The following PIGT variants were observed in gnomAD, a reference collection of about 807,000 sequenced individuals.
The protein encoded by PIGT is GPI-anchor transamidase component PIGT.
In PIGT, 57 loss-of-function variants were observed where a neutral mutation model predicts 66.7. The ratio of observed to expected loss-of-function variants is 0.86; its 90% CI spans 0.69 to 1.07. The LOEUF (loss-of-function observed/expected upper bound fraction) is 1.07. PIGT is among the 50% of genes least tolerant of loss of function. PIGT has a pLI of 0.00. For synonymous variants in PIGT, 362 were observed against 320.5 expected (o/e 1.13, Z -1.38); for missense variants, 725 against 740.4 (o/e 0.98, Z 0.24).
At chr20:45,424,447 G>A in intron 10 of PIGT, 49 bp from the exon 11 acceptor site, 1 of 1,613,474 alleles carries the variant, frequency 6.2e-7, no homozygotes, top group Non-Finnish European at 8.5e-7. Context: ...CTTACCCCTT[G>A]ATAGGGCAGC....
At chr20:45,425,383 T>TA in intron 11 of PIGT, 191 bp from the exon 12 acceptor site, 1 of 418,330 alleles carries the variant, frequency 2.4e-6, no homozygotes, top group East Asian at 4.9e-5. Flanking sequence ...ATGCTCTCCC[T>TA]CCCCTTGCCC....
intron 2 of PIGT, chr20:45,417,931 A>G (rs1990088075): frequency 6.6e-6 from 1 of 151,896 alleles, no homozygotes; most frequent in African/African-American, 2.4e-5. Context: ...TCTTGCCTCA[A>G]CTCTGGCTCC....
intron 9 of PIGT, chr20:45,422,292 A>G (rs1990413734): frequency 6.6e-6 from 1 of 152,130 alleles, no homozygotes; most frequent in South Asian, 2.1e-4. Flanking sequence ...CAGCACCATT[A>G]TTTGTACCAC....
rs1600809728 is a variant in PIGT at position 45,419,715 on chromosome 20, A to G, written c.681+125A>G. 4.1e-6 allele frequency: 3 copies of G among 738,036 alleles called. No individual in the cohort carries two copies. In the East Asian group the frequency reaches 7.5e-5, roughly 19 times the overall value. The allele number at this position is 738,036 out of a possible 1,614,324, so 45.7% of individuals were successfully genotyped here. A position where few individuals can be genotyped will look rare whatever the true frequency, so the allele number is the denominator to read the frequency against. On this transcript the variant is annotated intron_variant, in intron 5 of 11. Coordinates refer to ENST00000279036, the MANE Select transcript of PIGT (RefSeq NM_015937.6). Reference sequence around the variant, plus strand: ...GTGGTAGATGTGATGACGGTTATTCAGGGCATTGGCCAAGCACCAAGAAAA... The same window carrying G: ...GTGGTAGATGTGATGACGGTTATTCGGGGCATTGGCCAAGCACCAAGAAAA...
intron 2 of PIGT, chr20:45,418,625 G>A: frequency 2.0e-6 from 1 of 505,706 alleles, no homozygotes. Context: ...AGAGACCCAT[G>A]GGGATGCAGA....
chr20:45,419,219 A>G, intron 3 of PIGT, 76 bp from the exon 4 acceptor site: 2 of 1,297,790 alleles, frequency 1.5e-6, no homozygotes, highest in South Asian at 2.5e-5. Flanking sequence ...CAGGAGGGTC[A>G]TTCCCATCTC....
intron 9 of PIGT, chr20:45,421,897 A>C: frequency 3.6e-6 from 1 of 276,220 alleles, no homozygotes; most frequent in Non-Finnish European, 6.8e-6. Flanking sequence ...TGATTCATAG[A>C]CTCTTTAAGG....
At chr20:45,425,259 A>G (rs2145475768) in intron 11 of PIGT, 1 of 192,792 alleles carries the variant, frequency 5.2e-6, no homozygotes, top group East Asian at 1.2e-4. Context: ...TCTGGGATAC[A>G]TGTGCAGAAC....
At chr20:45,422,004 A>G (rs1470895362) in intron 9 of PIGT, 2 of 153,024 alleles carry the variant, frequency 1.3e-5, no homozygotes, top group Non-Finnish European at 2.9e-5. Context: ...GTAAAGAGGT[A>G]CAGTTAATTA....
chr20:45,421,189 G>T (rs569421694), intron 8 of PIGT, 194 bp from the exon 9 acceptor site: 1 of 598,054 alleles, frequency 1.7e-6, no homozygotes, highest in Non-Finnish European at 3.0e-6. Context: ...TTCAATACTA[G>T]CAACCTATTG....
Position 45,419,311 on chromosome 20 carries a change from TC to T in PIGT, c.511del (p.Leu171CysfsTer35). The T allele has an allele frequency of 6.2e-7, 1 of 1,614,042 alleles. No homozygotes were observed. The highest frequency in any genetic ancestry group is 1.1e-5 in the South Asian group (1 of 91,072). On this transcript the variant is annotated frameshift_variant, in exon 4 of 12. Coordinates refer to ENST00000279036, the MANE Select transcript of PIGT (RefSeq NM_015937.6). LOFTEE classifies it high-confidence loss of function. Reference protein sequence around the residue: ...GLANDTDHYFLRYAVLPREVV... With the variant: ...GLANDTDHYFXRYAVLPREVV... ...CTCCCTCAGACACTGACCACTACTT[TC>T]TGCGCTATGCTGTGCTGCCGCGGGA...
rs746897000 is a variant in PIGT, at chr20:45,424,289, C to G, written c.1308C>G (p.Ala436=). 1 of 1,614,168 alleles carries G rather than the reference C, an allele frequency of 6.2e-7. No homozygotes were observed. Among genetic ancestry groups the G allele is most frequent in the Non-Finnish European group, 8.5e-7 (1 of 1,180,000 alleles). ...TGGAGATGCTGATTCAGCTGCCGGC[C>G]AACTCAGTCACCAAGGTTTCCATCC... ...HLLEMLIQLP[A]NSVTKVSIQF... is the part of the protein sequence containing the mutation. Residue 436 remains alanine, a synonymous_variant, in exon 10 of 12, where the codon GCC becomes GCG. Transcript: ENST00000279036.
At chr20:45,419,264 C>G in intron 3 of PIGT, 31 bp from the exon 4 acceptor site, 1 of 1,575,796 alleles carries the variant, frequency 6.3e-7, no homozygotes, top group Non-Finnish European at 8.7e-7. Flanking sequence ...GAGCCCAAGG[C>G]CCACCCCAGA....
chr20:45,425,748 CGAG>C lies in PIGT; in HGVS notation c.1663_1665del (p.Glu555del). The C allele has an allele frequency of 6.2e-7, 1 of 1,614,092 alleles. No individual in the cohort carries two copies. Among genetic ancestry groups the C allele is most frequent in the Non-Finnish European group, 8.5e-7 (1 of 1,179,934 alleles). On this transcript the variant is annotated inframe_deletion, in exon 12 of 12. Coordinates refer to ENST00000279036, the MANE Select transcript of PIGT (RefSeq NM_015937.6). ...ATCTCCTCACCCGAACCTTCCACAT[CGAG>C]GAGCCCCGCACAGGTGGCCTGGCCA...
Position 45,425,873 on chromosome 20 carries a change from G to A in PIGT, c.*47G>A. 6.3e-7 allele frequency: 1 copy of A among 1,587,744 alleles called. No individual in the cohort carries two copies. ...GCAGCTGCCGTTTCTCTCTGGGGAG[G>A]GGAGCCCAAGGGCTGTTTCTGCCAC... On this transcript the variant is annotated 3_prime_UTR_variant, in exon 12 of 12. Transcript: ENST00000279036.
At position 45,426,222 on chromosome 20, in the gene PIGT, TA is replaced by T; in HGVS notation, c.*401del. ...TGGATGGAGTTTACTGTTTGTGGAA[TA>T]AAAACGGCTGTTTCCGTGGTTCTTT... On this transcript the variant is annotated 3_prime_UTR_variant, in exon 12 of 12. Transcript: ENST00000279036. The T allele has an allele frequency of 5.4e-6, 1 of 186,844 alleles. No homozygotes were observed. Among genetic ancestry groups the T allele is most frequent in the Non-Finnish European group, 1.1e-5 (1 of 88,568 alleles). The allele number at this position is 186,844 out of a possible 1,614,324, so 11.6% of individuals were successfully genotyped here.
At chr20:45,425,314 C>T (rs572255811) in intron 11 of PIGT, among the ~76,000 whole-genome samples, 2 of 151,274 alleles carry the variant, frequency 1.3e-5, no homozygotes, top group African/African-American at 2.4e-5. Flanking sequence ...GGTGGTTTGC[C>T]GTACCCATCA....
At position 45,420,677 on chromosome 20, in the gene PIGT, G is replaced by C; in HGVS notation, c.1017G>C (p.Lys339Asn). ...SRNLNIQLKW[K>N]RPPENEAPPV... is the part of the protein sequence containing the mutation. The stretch of plus-strand genomic sequence containing the variant: ...ACCTCAACATCCAGCTCAAGTGGAA[G>C]AGACCCCCAGAGAATGGTGAGTGGG... The change falls in exon 8 of 12, where the codon AAG (lysine) becomes AAC (asparagine). Residue 339 changes from lysine to asparagine, a missense_variant. Transcript: ENST00000279036. The C allele has an allele frequency of 6.2e-7, 1 of 1,614,002 alleles. No individual in the cohort carries two copies. Among genetic ancestry groups the C allele is most frequent in the Non-Finnish European group, 8.5e-7 (1 of 1,180,022 alleles).
intron 2 of PIGT, 43 bp from the exon 3 acceptor site, chr20:45,418,809 G>A: frequency 1.9e-6 from 3 of 1,611,688 alleles, no homozygotes; most frequent in Non-Finnish European, 1.7e-6. Context: ...AGAGGGAGCA[G>A]AGGTAGCCCC....
Sources: gnomAD v4.1 joint callset for allele counts (sites outside exome capture counted in the v4.1 genomes callset) on GRCh38, gnomAD v4.1.1 for gene constraint, MANE v1.5 for transcripts, NCBI Gene and HGNC (gene_info 2026-07-23, HGNC 2026-07-21) for gene names.